The following ADAM12 variants were observed in gnomAD, a reference collection of about 807,000 sequenced individuals.
ADAM12 encodes the protein ADAM metallopeptidase domain 12.
A neutral mutation model predicts 106.4 loss-of-function variants in ADAM12; 70 were observed. That is an observed-to-expected ratio of 0.66 (90% confidence interval 0.54 to 0.80). The LOEUF is 0.80. ADAM12 is among the 30% of genes least tolerant of loss of function. The pLI, the probability that ADAM12 is intolerant of heterozygous loss-of-function variation, is 0.00. For synonymous variants in ADAM12, 420 were observed against 433.5 expected, an observed-to-expected ratio of 0.97 and a Z score of 0.39; for missense variants, 1,010 against 1,171.9, an observed-to-expected ratio of 0.86 and a Z score of 2.02.
At chr10:126,201,851 G>A (rs1957706782) in intron 3 of ADAM12, among the ~76,000 whole-genome samples, 2 of 152,226 alleles carry the variant, frequency 1.3e-5, no homozygotes, top group African/African-American at 4.8e-5. Context: ...CAAAAACAGA[G>A]AGGTGTTGGC....
rs148504838 is a variant in ADAM12 at position 126,151,630 on chromosome 10, C to CT, written c.339+3596dup. Among the ~76,000 whole-genome samples, 879 of 152,040 alleles carry CT rather than the reference C, an allele frequency of 5.8e-3. 9 individuals carry two copies. The highest frequency in any genetic ancestry group is 0.02 in the African/African-American group (847 of 41,508). ...CACACCCTCCTTTAAAAAAATTATT[C>CT]TTTTTTTCTCAGGAACTATTTGTTT... On this transcript the variant is annotated intron_variant, in intron 4 of 22. Transcript: ENST00000448723.
At chr10:126,293,657 T>C (rs939242007) in intron 2 of ADAM12, among the ~76,000 whole-genome samples, 17 of 152,202 alleles carry the variant, frequency 1.1e-4, no homozygotes, top group African/African-American at 3.9e-4. Context: ...TAGCTGAGAT[T>C]GCAGGTGCAT....
chr10:126,036,815 T>A (rs1020187371), intron 20 of ADAM12, among the ~76,000 whole-genome samples: 2 of 152,206 alleles, frequency 1.3e-5, no homozygotes, highest in African/African-American at 4.8e-5. Context: ...TAACCCTTGT[T>A]CTTAGAACAG....
At chr10:126,262,678 G>A (rs970253529) in intron 3 of ADAM12, among the ~76,000 whole-genome samples, 2 of 152,166 alleles carry the variant, frequency 1.3e-5, no homozygotes, top group African/African-American at 4.8e-5. Context: ...GACATAACTA[G>A]AGTCCCAGAG....
chr10:126,086,665 AAAAAAAAAAAAAAAAATATAT>A (rs1280009608), intron 11 of ADAM12, among the ~76,000 whole-genome samples: 1 of 57,626 alleles, frequency 1.7e-5, no homozygotes, highest in African/African-American at 1.1e-4. Context: ...AAAAAAAAAA[AAAAAAAAAAAAAAAAATATAT>A]ATATATATAT....
intron 3 of ADAM12, among the ~76,000 whole-genome samples, chr10:126,271,993 C>T (rs2133737894): frequency 6.6e-6 from 1 of 152,328 alleles, no homozygotes; most frequent in East Asian, 1.9e-4. Context: ...TCTCTACCTC[C>T]TGCCCTCCTT....
chr10:126,387,550 G>C (rs1041845848), intron 1 of ADAM12, among the ~76,000 whole-genome samples: 12 of 152,166 alleles, frequency 7.9e-5, no homozygotes, highest in African/African-American at 2.4e-5. Context: ...GTGGAGAGCA[G>C]CAGGCACACC....
chr10:126,277,139 C>T (rs1959294089), intron 3 of ADAM12, among the ~76,000 whole-genome samples: 1 of 152,104 alleles, frequency 6.6e-6, no homozygotes, highest in Admixed American at 6.5e-5. Flanking sequence ...ATATAATTCA[C>T]CAGAATCTTA....
At chr10:126,332,560 C>A (rs1408182040) in intron 1 of ADAM12, among the ~76,000 whole-genome samples, 3 of 152,188 alleles carry the variant, frequency 2.0e-5, no homozygotes, top group African/African-American at 7.2e-5. Context: ...AGGGTGACAG[C>A]AGAATGGCTG....
At chr10:126,335,871 C>T (rs1385255092) in intron 1 of ADAM12, among the ~76,000 whole-genome samples, 1 of 152,172 alleles carries the variant, frequency 6.6e-6, no homozygotes, top group Non-Finnish European at 1.5e-5. Flanking sequence ...TGATCTTCCA[C>T]TTCAAAACCC....
At chr10:126,143,493 GTATAT>G (rs1956563230) in intron 4 of ADAM12, among the ~76,000 whole-genome samples, 1 of 151,350 alleles carries the variant, frequency 6.6e-6, no homozygotes, top group Non-Finnish European at 1.5e-5. Flanking sequence ...GTGCATATAT[GTATAT>G]GTGTGGATGT....
At chr10:126,114,150 C>T (rs1955936993) in intron 6 of ADAM12, among the ~76,000 whole-genome samples, 1 of 152,124 alleles carries the variant, frequency 6.6e-6, no homozygotes, top group African/African-American at 2.4e-5. Context: ...GGGGACAGCA[C>T]ACACTGATCA....
intron 1 of ADAM12, among the ~76,000 whole-genome samples, chr10:126,358,757 T>TA (rs1345790445): frequency 4.6e-5 from 7 of 152,074 alleles, no homozygotes; most frequent in Non-Finnish European, 7.4e-5. Context: ...AAAGATTCTC[T>TA]AAAAAAACTG....
intron 3 of ADAM12, among the ~76,000 whole-genome samples, chr10:126,267,628 C>A (rs915124921): frequency 1.3e-5 from 2 of 152,236 alleles, no homozygotes; most frequent in Admixed American, 1.3e-4. Context: ...GGAGCTCAGG[C>A]AGTAATCTGA....
chr10:126,220,018 C>T (rs889186494), intron 3 of ADAM12, among the ~76,000 whole-genome samples: 9 of 152,158 alleles, frequency 5.9e-5, no homozygotes, highest in African/African-American at 1.9e-4. Context: ...AGCAGCTCCT[C>T]GCCGTACCAA....
chr10:126,290,052 G>A (rs1370114564), intron 2 of ADAM12, among the ~76,000 whole-genome samples: 1 of 152,200 alleles, frequency 6.6e-6, no homozygotes, highest in African/African-American at 2.4e-5. Flanking sequence ...CCTGAAGGCA[G>A]AGAATCTTTC....
In ADAM12 at chr10:126,135,581, T is replaced by C; in HGVS notation, c.416+3A>G. 6.2e-7 allele frequency: 1 copy of C among 1,614,010 alleles called. No homozygotes were observed. The highest frequency in any genetic ancestry group is 8.5e-7 in the Non-Finnish European group (1 of 1,179,862). ...TAGAGCCGCCATGGTCATGGCCACT[T>C]ACCTGAGACCAGAACACGTGCTGAG... On this transcript the variant is annotated splice_donor_region_variant and intron_variant, in intron 5 of 22. Transcript: ENST00000448723.
intron 1 of ADAM12, among the ~76,000 whole-genome samples, chr10:126,335,327 T>A (rs569104146): frequency 2.0e-5 from 3 of 152,190 alleles, no homozygotes; most frequent in Non-Finnish European, 4.4e-5. Flanking sequence ...CTACATGAAC[T>A]TTAAAATGGA....
At chr10:126,125,786 C>T (rs1565077726) in intron 5 of ADAM12, among the ~76,000 whole-genome samples, 2 of 151,694 alleles carry the variant, frequency 1.3e-5, no homozygotes, top group East Asian at 3.9e-4. Flanking sequence ...ATGAGATTGT[C>T]CTGGACTAGG....
Sources: gnomAD v4.1 joint callset for allele counts (sites outside exome capture counted in the v4.1 genomes callset) on GRCh38, gnomAD v4.1.1 for gene constraint, MANE v1.5 for transcripts, NCBI Gene and HGNC (gene_info 2026-07-23, HGNC 2026-07-21) for gene names.